Variants in APOLD1 observed in about 807,000 individuals in gnomAD.
APOLD1 encodes the protein apolipoprotein L domain-containing protein 1.
Under a neutral mutation model 15.3 loss-of-function variants are expected in APOLD1, and 22 were observed. The observed-to-expected ratio is 1.44, with a 90% CI of 1.03 to 2.05. The LOEUF is 2.05. APOLD1 is among the 30% of genes most tolerant of loss of function. The probability of loss-of-function intolerance (pLI) is 0.00; values close to 1 mark genes in which losing one functional copy is unlikely to be tolerated. For missense variants in APOLD1, 394 were observed against 353.5 expected (o/e 1.11, Z -0.92); for synonymous variants, 190 against 167.4 (o/e 1.13, Z -1.04).
At chr12:12,728,518 A>G (rs1220059539) in intron 1 of APOLD1, among the ~76,000 whole-genome samples, 1 of 151,892 alleles carries the variant, frequency 6.6e-6, no homozygotes, top group Non-Finnish European at 1.5e-5. Context: ...ACAAAAAAAA[A>G]TTTAACCAGG....
chr12:12,749,439 C>CG (rs1208462167), intron 1 of APOLD1, among the ~76,000 whole-genome samples: 1 of 79,162 alleles, frequency 1.3e-5, no homozygotes, highest in African/African-American at 4.1e-5. Context: ...CCTTTGCAAA[C>CG]CCCCACCTTT....
rs1296898561 is a variant in APOLD1, at chr12:12,790,713, A to G, written c.*3061A>G. 2 of 152,236 alleles carry G rather than the reference A, an allele frequency of 1.3e-5. No individual in the cohort carries two copies. Among genetic ancestry groups the G allele is most frequent in the Non-Finnish European group, 2.9e-5 (2 of 68,034 alleles). 9.4% of individuals were successfully genotyped at this position (152,236 alleles called of 1,614,324 possible). Reference sequence around the variant, plus strand: ...AATAATTATAATTAACTGTTTAGCTATCTTAATGAGAATTTGTTGACAACA... The same window carrying G: ...AATAATTATAATTAACTGTTTAGCTGTCTTAATGAGAATTTGTTGACAACA... On this transcript the variant is annotated 3_prime_UTR_variant, in exon 2 of 2. Transcript: ENST00000356591.
intron 1 of APOLD1, among the ~76,000 whole-genome samples, chr12:12,770,541 C>T (rs969785208): frequency 7.5e-6 from 1 of 133,558 alleles, no homozygotes; most frequent in Non-Finnish European, 1.6e-5. Context: ...ACCTCCCAAA[C>T]TGAAAAACAA....
At chr12:12,748,279 C>G (rs562373990) in intron 1 of APOLD1, among the ~76,000 whole-genome samples, 2 of 152,278 alleles carry the variant, frequency 1.3e-5, no homozygotes, top group South Asian at 2.1e-4. Flanking sequence ...GTAATGTAAA[C>G]AAACAGTCCA....
chr12:12,784,189 A>G (rs550708012), upstream of APOLD1, among the ~76,000 whole-genome samples: 59 of 152,314 alleles, frequency 3.9e-4, no homozygotes, highest in African/African-American at 1.3e-3. Flanking sequence ...CCTCATCTAT[A>G]AAATAAAGAT....
chr12:12,730,353 T>A (rs924052026), intron 1 of APOLD1, among the ~76,000 whole-genome samples: 1 of 152,194 alleles, frequency 6.6e-6, no homozygotes, highest in African/African-American at 2.4e-5. Context: ...GTCCAGTTAC[T>A]GAACTGCCAT....
chr12:12,783,184 C>T (rs996573162), upstream of APOLD1, among the ~76,000 whole-genome samples: 7 of 151,780 alleles, frequency 4.6e-5, no homozygotes, highest in South Asian at 4.2e-4. Context: ...CTAGCCTGGG[C>T]GACAGACTGA....
At chr12:12,742,998 C>T (rs535080165) in intron 1 of APOLD1, among the ~76,000 whole-genome samples, 4 of 152,334 alleles carry the variant, frequency 2.6e-5, no homozygotes, top group Admixed American at 6.5e-5. Flanking sequence ...GTGATCCTCC[C>T]GCCTTGGCCT....
At chr12:12,731,193 TTTTTA>T (rs1344231814) in intron 1 of APOLD1, among the ~76,000 whole-genome samples, 1 of 152,148 alleles carries the variant, frequency 6.6e-6, no homozygotes, top group Non-Finnish European at 1.5e-5. Flanking sequence ...GGATATCCAG[TTTTTA>T]TTTTGTCTTC....
chr12:12,773,548 C>A (rs1441980323), intron 1 of APOLD1, among the ~76,000 whole-genome samples: 2 of 151,752 alleles, frequency 1.3e-5, no homozygotes, highest in Non-Finnish European at 2.9e-5. Flanking sequence ...GGTGACAGAC[C>A]GTGTCTGTTA....
At chr12:12,763,135 T>A (rs10744002) in intron 1 of APOLD1, among the ~76,000 whole-genome samples, 102,516 of 151,986 alleles carry the variant, frequency 0.67, 36,939 homozygotes, top group Non-Finnish European at 0.79. Context: ...AGAAAAAAAA[T>A]TATTTTTAAT....
chr12:12,767,431 G>T (rs1946950611), intron 1 of APOLD1, among the ~76,000 whole-genome samples: 1 of 152,176 alleles, frequency 6.6e-6, no homozygotes, highest in Non-Finnish European at 1.5e-5. Flanking sequence ...GGAGGCCGAG[G>T]TGGGTGGGTC....
intron 1 of APOLD1, among the ~76,000 whole-genome samples, chr12:12,768,426 A>G (rs1946957706): frequency 6.6e-6 from 1 of 152,076 alleles, no homozygotes; most frequent in Non-Finnish European, 1.5e-5. Context: ...TGAGTCCAGG[A>G]GTTCGAGACC....
chr12:12,728,394 A>G (rs989608970), intron 1 of APOLD1, among the ~76,000 whole-genome samples: 1 of 152,108 alleles, frequency 6.6e-6, no homozygotes, highest in Non-Finnish European at 1.5e-5. Flanking sequence ...GGCCGGACAC[A>G]TTGGCTTACA....
At chr12:12,738,059 G>A (rs1043787616) in intron 1 of APOLD1, among the ~76,000 whole-genome samples, 6 of 152,094 alleles carry the variant, frequency 3.9e-5, no homozygotes, top group Admixed American at 3.9e-4. Context: ...TTGAATATAT[G>A]TAAAGAACTT....
chr12:12,770,061 A>G (rs1946974313), intron 1 of APOLD1, among the ~76,000 whole-genome samples: 1 of 152,228 alleles, frequency 6.6e-6, no homozygotes, highest in African/African-American at 2.4e-5. Context: ...GACAGCATGC[A>G]AGAACAGGTA....
intron 1 of APOLD1, among the ~76,000 whole-genome samples, chr12:12,742,414 C>T (rs1337721979): frequency 1.3e-5 from 2 of 152,172 alleles, no homozygotes. Context: ...TCCTTTGATG[C>T]TCACCTCCAT....
chr12:12,773,289 G>A (rs1947002390), intron 1 of APOLD1, among the ~76,000 whole-genome samples: 1 of 152,164 alleles, frequency 6.6e-6, no homozygotes, highest in Admixed American at 6.5e-5. Context: ...GGCCAGTTAT[G>A]GTGTCTCACA....
At chr12:12,786,786 C>T in intron 1 of APOLD1, 123 bp from the exon 2 acceptor site, 1 of 1,303,116 alleles carries the variant, frequency 7.7e-7, no homozygotes, top group Non-Finnish European at 9.7e-7. Context: ...GACCCGTTCC[C>T]CTAGCGTGGC....
Sources: gnomAD v4.1 joint callset for allele counts (sites outside exome capture counted in the v4.1 genomes callset) on GRCh38, gnomAD v4.1.1 for gene constraint, MANE v1.5 for transcripts, NCBI Gene and HGNC (gene_info 2026-07-23, HGNC 2026-07-21) for gene names.